Variants in FAM162A observed in about 807,000 individuals in gnomAD.
FAM162A encodes the protein family with sequence similarity 162 member A.
A neutral mutation model predicts 21.8 loss-of-function variants in FAM162A; 23 were observed. The observed-to-expected ratio is 1.05, with a 90% confidence interval of 0.76 to 1.49. The LOEUF (loss-of-function observed/expected upper bound fraction) is 1.49. Ranked by LOEUF, FAM162A falls within the 40% of genes most tolerant of loss-of-function variation. The pLI is 0.00. For synonymous variants in FAM162A, 53 were observed against 61.3 expected (o/e 0.86, Z 0.64); for missense variants, 165 against 186.4 (o/e 0.89, Z 0.67).
At chr3:122,397,861 CCA>C (rs1324529617) in intron 1 of FAM162A, among the ~76,000 whole-genome samples, 1 of 152,132 alleles carries the variant, frequency 6.6e-6, no homozygotes, top group East Asian at 1.9e-4. Flanking sequence ...AAATGAGCCC[CCA>C]CTAAGGAGTC....
intron 1 of FAM162A, chr3:122,401,638 TAAAA>T: frequency 1.6e-6 from 1 of 608,956 alleles, no homozygotes; most frequent in Non-Finnish European, 2.2e-6. Context: ...AGTATATATC[TAAAA>T]AAAAAAAATA....
At chr3:122,387,937 A>G (rs1399411813) in intron 1 of FAM162A, among the ~76,000 whole-genome samples, 1 of 152,180 alleles carries the variant, frequency 6.6e-6, no homozygotes, top group Non-Finnish European at 1.5e-5. Flanking sequence ...AATGAGTCTG[A>G]AAAAGGATAT....
At chr3:122,386,214 C>T (rs776091394) in intron 1 of FAM162A, among the ~76,000 whole-genome samples, 4 of 152,130 alleles carry the variant, frequency 2.6e-5, no homozygotes, top group Non-Finnish European at 4.4e-5. Flanking sequence ...AGAAAGAAGA[C>T]TGCTTTAATA....
chr3:122,386,007 G>A (rs1220625461), intron 1 of FAM162A, among the ~76,000 whole-genome samples: 1 of 152,172 alleles, frequency 6.6e-6, no homozygotes, highest in African/African-American at 2.4e-5. Flanking sequence ...GCCAAAAAAT[G>A]TTAGAGCCAG....
intron 2 of FAM162A, among the ~76,000 whole-genome samples, chr3:122,403,485 G>A (rs2075661832): frequency 6.6e-6 from 1 of 152,164 alleles, no homozygotes; most frequent in Non-Finnish European, 1.5e-5. Flanking sequence ...AATATAAGCA[G>A]GGCCTTCTCC....
chr3:122,403,271 T>C (rs1020259203), intron 2 of FAM162A, among the ~76,000 whole-genome samples: 1 of 152,226 alleles, frequency 6.6e-6, no homozygotes, highest in Non-Finnish European at 1.5e-5. Context: ...ACAGCAGACC[T>C]CCCATGTTGT....
intron 1 of FAM162A, among the ~76,000 whole-genome samples, chr3:122,393,915 TTGCTAAAAAGAAA>T (rs1391983474): frequency 6.6e-6 from 1 of 152,214 alleles, no homozygotes; most frequent in Admixed American, 6.5e-5. Context: ...CAGTCTCGCA[TTGCTAAAAAGAAA>T]TACCTACGAC....
intron 1 of FAM162A, among the ~76,000 whole-genome samples, chr3:122,391,107 A>T (rs1175952850): frequency 6.6e-6 from 1 of 152,240 alleles, no homozygotes; most frequent in Non-Finnish European, 1.5e-5. Context: ...TTATGCTTTC[A>T]TGTTGTTATA....
In FAM162A at chr3:122,398,890, CTAGT is replaced by C. The variant is rs143408555; in HGVS notation, c.35-3869_35-3866del. Among the ~76,000 whole-genome samples the C allele has an allele frequency of 8.1e-3, 1,226 of 152,238 alleles. 8 individuals carry two copies. Among genetic ancestry groups the C allele is most frequent in the Non-Finnish European group, 0.013 (875 of 68,024 alleles). The stretch of plus-strand genomic sequence containing the variant: ...TATTTGGGATTTGCTTTAAAACAAT[CTAGT>C]AAGGGGTAGATAGTAGATGGAGTTT... On this transcript the variant is annotated intron_variant, in intron 1 of 4. Transcript: ENST00000477892.
chr3:122,389,921 G>A (rs1228597978), intron 1 of FAM162A, among the ~76,000 whole-genome samples: 1 of 152,118 alleles, frequency 6.6e-6, no homozygotes, highest in Non-Finnish European at 1.5e-5. Context: ...AACATGGTGT[G>A]TAACAACTTG....
At chr3:122,386,570 A>G (rs67601069) in intron 1 of FAM162A, among the ~76,000 whole-genome samples, 247 of 150,650 alleles carry the variant, frequency 1.6e-3, no homozygotes, top group African/African-American at 3.6e-3. Flanking sequence ...AAAAAAAAAA[A>G]AAAAGAAAAG....
chr3:122,389,441 T>C (rs1004799753), intron 1 of FAM162A, among the ~76,000 whole-genome samples: 2 of 150,684 alleles, frequency 1.3e-5, no homozygotes, highest in Non-Finnish European at 3.0e-5. Context: ...ATAGATGAGA[T>C]AGATAGATGG....
At chr3:122,408,924 A>G (rs992157646) in intron 4 of FAM162A, among the ~76,000 whole-genome samples, 2 of 152,182 alleles carry the variant, frequency 1.3e-5, no homozygotes, top group African/African-American at 2.4e-5. Flanking sequence ...TACTACTGGA[A>G]TGGAGAACTT....
At chr3:122,384,698 C>G (rs2107693328) in intron 1 of FAM162A, among the ~76,000 whole-genome samples, 1 of 152,282 alleles carries the variant, frequency 6.6e-6, no homozygotes, top group South Asian at 2.1e-4. Flanking sequence ...CTTCCCTCTT[C>G]CCCCTGCTCC....
intron 1 of FAM162A, among the ~76,000 whole-genome samples, chr3:122,389,025 G>T (rs2075587275): frequency 6.6e-6 from 1 of 151,340 alleles, no homozygotes; most frequent in Admixed American, 6.6e-5. Context: ...CTCCAGCCTG[G>T]GCAACAGAGC....
At chr3:122,402,701 T>C in intron 1 of FAM162A, 59 bp from the exon 2 acceptor site, 1 of 1,451,530 alleles carries the variant, frequency 6.9e-7, no homozygotes, top group Non-Finnish European at 9.2e-7. Context: ...TTTCTTATTT[T>C]GAGAAAACAT....
At chr3:122,387,786 A>G (rs1222075773) in intron 1 of FAM162A, among the ~76,000 whole-genome samples, 2 of 152,180 alleles carry the variant, frequency 1.3e-5, no homozygotes, top group East Asian at 1.9e-4. Flanking sequence ...ATTTATTGCA[A>G]TGAACAAACA....
At chr3:122,400,090 G>A (rs2075646085) in intron 1 of FAM162A, among the ~76,000 whole-genome samples, 2 of 152,132 alleles carry the variant, frequency 1.3e-5, no homozygotes, top group African/African-American at 4.8e-5. Context: ...GGCAACAAGA[G>A]CAAAACTAAA....
intron 4 of FAM162A, among the ~76,000 whole-genome samples, chr3:122,408,822 G>A (rs114336486): frequency 1.3e-3 from 199 of 152,190 alleles, no homozygotes; most frequent in African/African-American, 4.7e-3. Flanking sequence ...CATCATCCAG[G>A]GGTATATGCT....
Sources: allele counts gnomAD v4.1 joint callset (sites outside exome capture counted in the v4.1 genomes callset), GRCh38; gene constraint gnomAD v4.1.1; transcripts MANE v1.5; gene names NCBI Gene and HGNC (gene_info 2026-07-23, HGNC 2026-07-21).